HTR2C: variants seen among roughly 807,000 people sequenced by gnomAD.
HTR2C encodes 5-hydroxytryptamine (serotonin) receptor 2C, G protein-coupled.
In HTR2C, 5 loss-of-function variants were observed where a neutral mutation model predicts 21.0. That is an observed-to-expected ratio of 0.24 (90% CI 0.12 to 0.50). The LOEUF (loss-of-function observed/expected upper bound fraction) is 0.50, where lower values mean the gene tolerates loss of function less well. Among genes scored for constraint, HTR2C ranks in the 20% least tolerant of loss-of-function variants. HTR2C has a pLI of 0.98. For synonymous variants in HTR2C, 150 were observed against 145.3 expected (o/e 1.03, Z -0.23); for missense variants, 271 against 371.2 (o/e 0.73, Z 2.22).
At chrX:114,855,446 G>T (rs1328642074) in intron 5 of HTR2C, among the ~76,000 whole-genome samples, 1 of 110,648 alleles carries the variant, frequency 9.0e-6, no homozygotes, top group Non-Finnish European at 1.9e-5. Flanking sequence ...AACCTTAATG[G>T]AAAAATCTTA....
chrX:114,592,538 A>G (rs1309296602), intron 1 of HTR2C, among the ~76,000 whole-genome samples: 1 of 111,748 alleles, frequency 8.9e-6, no homozygotes, highest in African/African-American at 3.3e-5. Context: ...AATTATTAAA[A>G]AAACACTCTA....
chrX:114,707,524 G>A (rs886375697), intron 2 of HTR2C, among the ~76,000 whole-genome samples: 17 of 111,614 alleles, frequency 1.5e-4, no homozygotes, highest in Non-Finnish European at 2.8e-4. Context: ...CACTTTAAAA[G>A]CCTTCCTACT....
At chrX:114,690,386 C>G (rs939909425) in intron 2 of HTR2C, among the ~76,000 whole-genome samples, 4 of 111,628 alleles carry the variant, frequency 3.6e-5, no homozygotes, top group Non-Finnish European at 7.5e-5. Flanking sequence ...CTCCAGAATA[C>G]TTTTGAAAAG....
rs782186299 is a variant in HTR2C at position 114,907,419 on chromosome X, A to G, written c.*4A>G. 4 of 1,150,396 alleles carry G rather than the reference A, an allele frequency of 3.5e-6. No individual in the cohort carries two copies. Among genetic ancestry groups the G allele is most frequent in the South Asian group, 1.8e-5 (1 of 54,995 alleles). The allele number at this position is 1,150,396 out of a possible 1,213,427, so 94.8% of individuals were successfully genotyped here. A position where few individuals can be genotyped will look rare whatever the true frequency, so the allele number is the denominator to read the frequency against. On this transcript the variant is annotated 3_prime_UTR_variant, in exon 6 of 6. Transcript: ENST00000276198. Reference sequence around the variant, plus strand: ...CGAAAGGATTAGCAGTGTGTGAGAAAGAACAGCACAGTCTTTTCCTACGGT... The same window carrying G: ...CGAAAGGATTAGCAGTGTGTGAGAAGGAACAGCACAGTCTTTTCCTACGGT...
intron 2 of HTR2C, among the ~76,000 whole-genome samples, chrX:114,677,954 C>CTT (rs369562089): frequency 9.3e-6 from 1 of 107,446 alleles, no homozygotes; most frequent in African/African-American, 3.4e-5. Context: ...CTAAAGCACT[C>CTT]TTTTTTTTTT....
intron 4 of HTR2C, among the ~76,000 whole-genome samples, chrX:114,769,160 C>G (rs1285696638): frequency 9.0e-6 from 1 of 111,333 alleles, no homozygotes; most frequent in Non-Finnish European, 1.9e-5. Context: ...TTACCTATTG[C>G]TATTATTTAT....
intron 4 of HTR2C, among the ~76,000 whole-genome samples, chrX:114,794,823 G>A (rs1341396344): frequency 9.1e-6 from 1 of 109,660 alleles, no homozygotes; most frequent in Non-Finnish European, 1.9e-5. Flanking sequence ...TGTGAATAGT[G>A]CCACAATAAA....
At chrX:114,863,367 A>G (rs1404005359) in intron 5 of HTR2C, among the ~76,000 whole-genome samples, 3 of 111,227 alleles carry the variant, frequency 2.7e-5, no homozygotes, top group Admixed American at 9.6e-5. Flanking sequence ...TTGACTCAAG[A>G]TATTTTTTAG....
At chrX:114,599,197 G>A (rs782419698) in intron 1 of HTR2C, among the ~76,000 whole-genome samples, 2 of 90,466 alleles carry the variant, frequency 2.2e-5, no homozygotes, top group African/African-American at 8.2e-5. Flanking sequence ...ATTATGACTT[G>A]TTCTTACTAA....
intron 1 of HTR2C, among the ~76,000 whole-genome samples, chrX:114,586,123 C>T (rs1927382424): frequency 8.9e-6 from 1 of 111,960 alleles, no homozygotes; most frequent in African/African-American, 3.2e-5. Flanking sequence ...GTGTAGTTGG[C>T]TACATATGTG....
intron 2 of HTR2C, among the ~76,000 whole-genome samples, chrX:114,707,713 G>C (rs939552976): frequency 4.5e-5 from 5 of 110,517 alleles, no homozygotes; most frequent in Non-Finnish European, 9.5e-5. Context: ...TGCAATTTAT[G>C]ACTTAAGTAA....
intron 5 of HTR2C, among the ~76,000 whole-genome samples, chrX:114,901,471 A>C (rs1211254325): frequency 3.6e-5 from 4 of 111,862 alleles, no homozygotes; most frequent in Admixed American, 9.5e-5. Context: ...TAGCAGTAGT[A>C]GTTATAATAG....
intron 3 of HTR2C, among the ~76,000 whole-genome samples, chrX:114,728,142 A>G (rs1444572474): frequency 1.8e-5 from 2 of 112,401 alleles, no homozygotes; most frequent in African/African-American, 6.4e-5. Context: ...GGTCATAGAA[A>G]AACTCAGTAG....
At chrX:114,731,685 T>G in intron 4 of HTR2C, 78 bp downstream of exon 4, 2 of 739,858 alleles carry the variant, frequency 2.7e-6, no homozygotes, top group Non-Finnish European at 3.9e-6. Flanking sequence ...ATAAAGTTAA[T>G]TATTTTACTT....
chrX:114,876,245 T>A (rs1556478192), intron 5 of HTR2C, among the ~76,000 whole-genome samples: 1 of 110,540 alleles, frequency 9.0e-6, no homozygotes, highest in African/African-American at 3.3e-5. Flanking sequence ...CTGATTTTTG[T>A]ATGTTGATTT....
At position 114,691,040 on chromosome X, in the gene HTR2C, CCTCAA is replaced by C. The variant is rs1481548193; in HGVS notation, c.-79-35814_-79-35810del. On this transcript the variant is annotated intron_variant, in intron 2 of 5. Transcript: ENST00000276198. ...TATCATTCTCAATCCTTATAAAAAT[CCTCAA>C]CTCTTACTAATTCCATTTTATAGAA... 1.1e-4 allele frequency among the ~76,000 whole-genome samples: 12 copies of C among 110,802 alleles called. 1 individual carries two copies. Among genetic ancestry groups the C allele is most frequent in the African/African-American group, 3.9e-4 (12 of 30,609 alleles).
intron 3 of HTR2C, among the ~76,000 whole-genome samples, chrX:114,729,056 T>G (rs112470576): frequency 5.3e-5 from 6 of 112,213 alleles, no homozygotes; most frequent in African/African-American, 1.9e-4. Context: ...AGAACATTGT[T>G]TTTTAAAATG....
intron 2 of HTR2C, among the ~76,000 whole-genome samples, chrX:114,670,755 T>C (rs1389633965): frequency 8.9e-6 from 1 of 112,641 alleles, no homozygotes; most frequent in East Asian, 2.8e-4. Context: ...AGATTATTAA[T>C]ATCCTCTATA....
intron 2 of HTR2C, among the ~76,000 whole-genome samples, chrX:114,722,065 G>T (rs1371200634): frequency 9.1e-6 from 1 of 109,846 alleles, no homozygotes; most frequent in Non-Finnish European, 1.9e-5. Context: ...AAAGTCCTTG[G>T]TAGCTTGATG....
Sources: allele counts gnomAD v4.1 joint callset (sites outside exome capture counted in the v4.1 genomes callset), GRCh38; gene constraint gnomAD v4.1.1; transcripts MANE v1.5; gene names NCBI Gene and HGNC (gene_info 2026-07-23, HGNC 2026-07-21).